Variants in CELF2 observed in about 807,000 individuals in gnomAD.
CELF2 encodes the protein CUGBP Elav-like family member 2.
In CELF2, 8 loss-of-function variants were observed where a neutral mutation model predicts 62.6. The observed-to-expected ratio is 0.13, with a 90% confidence interval of 0.07 to 0.23. CELF2 has a LOEUF of 0.23. CELF2 is among the 10% of genes least tolerant of loss of function. CELF2 has a pLI of 1.00. For synonymous variants in CELF2, 258 were observed against 250.0 expected, an observed-to-expected ratio of 1.03 and a Z score of -0.30; for missense variants, 333 against 671.0, an observed-to-expected ratio of 0.50 and a Z score of 5.56.
intron 2 of CELF2, among the ~76,000 whole-genome samples, chr10:11,195,302 C>T (rs1331008115): frequency 2.6e-5 from 4 of 152,228 alleles, no homozygotes; most frequent in Non-Finnish European, 5.9e-5. Context: ...AACAGAAACA[C>T]AGCAGGCACC....
At chr10:10,519,735 GT>G in the CELF2 span, among the ~76,000 whole-genome samples, 1 of 152,212 alleles carries the variant, frequency 6.6e-6, no homozygotes, top group Non-Finnish European at 1.5e-5. Flanking sequence ...AAAATGGTGA[GT>G]TGGACCCCGT....
chr10:11,114,849 A>G (rs530263147), intron 1 of CELF2, among the ~76,000 whole-genome samples: 5 of 152,364 alleles, frequency 3.3e-5, no homozygotes, highest in South Asian at 4.1e-4. Flanking sequence ...TGATCAACCA[A>G]AACATACAAC....
At chr10:10,905,630 G>A (rs2063275259) in intron 1 of CELF2, among the ~76,000 whole-genome samples, 1 of 151,396 alleles carries the variant, frequency 6.6e-6, no homozygotes, top group African/African-American at 2.4e-5. Context: ...TGTAATCCCA[G>A]CACTTTGGGA....
the CELF2 span, among the ~76,000 whole-genome samples, chr10:10,787,200 G>C: frequency 1.3e-5 from 2 of 149,220 alleles, no homozygotes; most frequent in African/African-American, 5.0e-5. Context: ...ATGCTTCAGT[G>C]GGAAGAAAGC....
the CELF2 span, among the ~76,000 whole-genome samples, chr10:10,757,179 C>G: frequency 6.6e-6 from 1 of 150,380 alleles, no homozygotes; most frequent in Admixed American, 6.6e-5. Context: ...AACTATGGGC[C>G]AAATGCAATG....
chr10:10,803,016 T>C (rs1156849702), intron 1 of CELF2, among the ~76,000 whole-genome samples: 2 of 152,144 alleles, frequency 1.3e-5, no homozygotes, highest in Non-Finnish European at 2.9e-5. Flanking sequence ...TAATCCCCCA[T>C]TTTCCGTCTT....
chr10:10,776,238 G>A, the CELF2 span: 8 of 153,350 alleles, frequency 5.2e-5, no homozygotes, highest in South Asian at 2.1e-4. Flanking sequence ...TCCAAAGATC[G>A]GAACGCTGTG....
At chr10:10,682,489 C>T in the CELF2 span, among the ~76,000 whole-genome samples, 1 of 152,212 alleles carries the variant, frequency 6.6e-6, no homozygotes, top group Non-Finnish European at 1.5e-5. Context: ...TGATCCGGCC[C>T]ATCAGGTAAG....
chr10:10,922,391 A>G (rs896517360), intron 2 of CELF2, among the ~76,000 whole-genome samples: 1 of 152,204 alleles, frequency 6.6e-6, no homozygotes, highest in Non-Finnish European at 1.5e-5. Context: ...CAATCCTGAA[A>G]TAATGGAACG....
the CELF2 span, among the ~76,000 whole-genome samples, chr10:10,487,993 G>A: frequency 1.3e-5 from 2 of 151,964 alleles, no homozygotes; most frequent in Admixed American, 6.6e-5. Context: ...ACATAAAAAT[G>A]TAACAGTGAA....
intron 1 of CELF2, among the ~76,000 whole-genome samples, chr10:11,125,338 C>CG (rs2131610501): frequency 6.6e-6 from 1 of 151,924 alleles, no homozygotes; most frequent in South Asian, 2.1e-4. Flanking sequence ...AGCTAGGAAT[C>CG]GGGATTTTTC....
the CELF2 span, among the ~76,000 whole-genome samples, chr10:10,733,587 AATGGACTC>A: frequency 6.7e-6 from 1 of 148,512 alleles, no homozygotes; most frequent in South Asian, 2.3e-4. Flanking sequence ...AAAGAGGTTT[AATGGACTC>A]ATAGTTCAGC....
the CELF2 span, among the ~76,000 whole-genome samples, chr10:10,617,569 C>G: frequency 6.6e-6 from 1 of 152,094 alleles, no homozygotes; most frequent in Admixed American, 6.5e-5. Context: ...CATCATCACT[C>G]CCCTGCTTAA....
chr10:11,038,561 G>C (rs1464454322), intron 1 of CELF2, among the ~76,000 whole-genome samples: 1 of 152,188 alleles, frequency 6.6e-6, no homozygotes, highest in Admixed American at 6.5e-5. Flanking sequence ...TACTGGGACA[G>C]TAGGAATTAT....
chr10:10,912,376 T>TC (rs2063887991), intron 1 of CELF2, among the ~76,000 whole-genome samples: 1 of 152,174 alleles, frequency 6.6e-6, no homozygotes, highest in South Asian at 2.1e-4. Context: ...AATGTGAAGT[T>TC]CCTAACAATG....
At chr10:11,024,537 G>T (rs1236123533) in intron 1 of CELF2, among the ~76,000 whole-genome samples, 1 of 152,124 alleles carries the variant, frequency 6.6e-6, no homozygotes, top group Non-Finnish European at 1.5e-5. Context: ...GGAGGTGGAG[G>T]TTGCAGTGAG....
At chr10:10,519,521 A>T in the CELF2 span, among the ~76,000 whole-genome samples, 1 of 152,192 alleles carries the variant, frequency 6.6e-6, no homozygotes, top group Non-Finnish European at 1.5e-5. Flanking sequence ...TAGAAAAAGA[A>T]AAGAAAAATA....
At chr10:10,779,031 A>G in the CELF2 span, among the ~76,000 whole-genome samples, 1 of 152,194 alleles carries the variant, frequency 6.6e-6, no homozygotes, top group African/African-American at 2.4e-5. Context: ...GGGCCTTAGG[A>G]GAAGGTATTT....
chr10:10,906,221 C>A (rs2063329844), intron 1 of CELF2, among the ~76,000 whole-genome samples: 1 of 152,184 alleles, frequency 6.6e-6, no homozygotes, highest in Non-Finnish European at 1.5e-5. Flanking sequence ...TGAAAATATT[C>A]TTAATTTCCA....
Sources: gnomAD v4.1 joint callset for allele counts (sites outside exome capture counted in the v4.1 genomes callset) on GRCh38, gnomAD v4.1.1 for gene constraint, MANE v1.5 for transcripts, NCBI Gene and HGNC (gene_info 2026-07-23, HGNC 2026-07-21) for gene names.